Variants in MSI2 observed in about 807,000 individuals in gnomAD.
MSI2 encodes the protein RNA-binding protein Musashi homolog 2.
Under a neutral mutation model 45.6 loss-of-function variants are expected in MSI2, and 17 were observed. The observed-to-expected ratio is 0.37, with a 90% confidence interval of 0.26 to 0.56. MSI2 has a LOEUF of 0.56. Among genes scored for constraint, MSI2 ranks in the 20% least tolerant of loss-of-function variants. The pLI, the probability that MSI2 is intolerant of heterozygous loss-of-function variation, is 0.77. For missense variants in MSI2, 293 were observed against 444.2 expected (o/e 0.66, Z 3.06); for synonymous variants, 156 against 158.2 (o/e 0.99, Z 0.11).
At chr17:57,385,970 T>C (rs1012719280) in intron 5 of MSI2, among the ~76,000 whole-genome samples, 7 of 151,536 alleles carry the variant, frequency 4.6e-5, no homozygotes, top group African/African-American at 1.7e-4. Context: ...TGCTCATTAA[T>C]GGTTGATGTC....
At chr17:57,700,902 T>TAA in the MSI2 span, among the ~76,000 whole-genome samples, 6 of 145,782 alleles carry the variant, frequency 4.1e-5, no homozygotes, top group Middle Eastern at 7.0e-3. Context: ...AACTCTGTCT[T>TAA]AAAAAAAAAA....
At chr17:57,571,846 C>T (rs377537481) in intron 7 of MSI2, among the ~76,000 whole-genome samples, 26 of 152,272 alleles carry the variant, frequency 1.7e-4, no homozygotes, top group African/African-American at 5.5e-4. Context: ...TTTCTACAGC[C>T]GACTGCGTGC....
chr17:57,574,924 G>A (rs1399490743), intron 7 of MSI2, among the ~76,000 whole-genome samples: 6 of 147,406 alleles, frequency 4.1e-5, no homozygotes, highest in Middle Eastern at 3.6e-3. Context: ...TCCGCCTCCC[G>A]GGTTCACGCC....
chr17:57,506,500 T>G (rs2143906973), intron 6 of MSI2, among the ~76,000 whole-genome samples: 1 of 152,334 alleles, frequency 6.6e-6, no homozygotes, highest in East Asian at 1.9e-4. Context: ...GCTGTGGGTC[T>G]GCTCTTTCTG....
At chr17:57,259,637 A>T (rs1374012593) in intron 4 of MSI2, among the ~76,000 whole-genome samples, 4 of 152,352 alleles carry the variant, frequency 2.6e-5, no homozygotes, top group African/African-American at 7.2e-5. Flanking sequence ...CATGCAGCCC[A>T]GCCTTTTGTA....
chr17:57,317,966 T>C (rs577499137), intron 5 of MSI2, among the ~76,000 whole-genome samples: 1 of 152,124 alleles, frequency 6.6e-6, no homozygotes, highest in African/African-American at 2.4e-5. Context: ...CTGGCCAACA[T>C]GGTGAAACCC....
At chr17:57,413,441 GC>G (rs1461597341) in intron 6 of MSI2, among the ~76,000 whole-genome samples, 1 of 150,360 alleles carries the variant, frequency 6.7e-6, no homozygotes, top group Non-Finnish European at 1.5e-5. Flanking sequence ...ACCGATGTAG[GC>G]CCAAAGAGAG....
intron 5 of MSI2, among the ~76,000 whole-genome samples, chr17:57,392,953 A>G (rs1348557115): frequency 1.3e-5 from 2 of 152,160 alleles, no homozygotes; most frequent in East Asian, 1.9e-4. Flanking sequence ...GGATTTTAGT[A>G]TATTCACAGA....
chr17:57,513,076 C>T (rs1394906835), intron 6 of MSI2, among the ~76,000 whole-genome samples: 2 of 147,662 alleles, frequency 1.4e-5, no homozygotes, highest in Non-Finnish European at 3.0e-5. Context: ...CGGGTTCAAG[C>T]GATTCTCCTA....
At chr17:57,641,687 G>A (rs1005685513) in intron 10 of MSI2, among the ~76,000 whole-genome samples, 5 of 152,202 alleles carry the variant, frequency 3.3e-5, no homozygotes, top group Non-Finnish European at 7.3e-5. Context: ...TTAGGGAAGA[G>A]GAGGGTGTGA....
chr17:57,313,890 G>A (rs1337545602), intron 5 of MSI2, among the ~76,000 whole-genome samples: 1 of 152,208 alleles, frequency 6.6e-6, no homozygotes, highest in African/African-American at 2.4e-5. Context: ...TCCGGGCAGT[G>A]TCCCAGAGGA....
chr17:57,576,974 T>G (rs1348591226), intron 7 of MSI2, among the ~76,000 whole-genome samples: 10 of 152,118 alleles, frequency 6.6e-5, no homozygotes, highest in Non-Finnish European at 1.5e-4. Flanking sequence ...TCAGACCCCA[T>G]GTGGAATATT....
At chr17:57,514,817 C>G (rs985878166) in intron 6 of MSI2, among the ~76,000 whole-genome samples, 1 of 151,814 alleles carries the variant, frequency 6.6e-6, no homozygotes, top group African/African-American at 2.4e-5. Flanking sequence ...AGGAGTAGAC[C>G]AAAAATTTCC....
At chr17:57,429,026 A>C (rs1237797194) in intron 6 of MSI2, among the ~76,000 whole-genome samples, 2 of 152,172 alleles carry the variant, frequency 1.3e-5, no homozygotes, top group Non-Finnish European at 2.9e-5. Flanking sequence ...AATATAGTAC[A>C]TTTGACATAG....
Position 57,320,164 on chromosome 17 carries a change from A to G in MSI2, c.312+57972A>G, listed in dbSNP as rs757078825. Among the ~76,000 whole-genome samples, 8 of 152,156 alleles carry G rather than the reference A, an allele frequency of 5.3e-5. No individual in the cohort carries two copies. The East Asian group carries it at 1.3e-3, about 26-fold the overall frequency. On this transcript the variant is annotated intron_variant, in intron 5 of 13. Coordinates refer to ENST00000284073, the MANE Select transcript of MSI2 (RefSeq NM_138962.4). Reference sequence around the variant, plus strand: ...CTGTGTTCCGATCGAAAGAAATACAATTACTCTCTGAGATTTGAGGGGCGA... The same window carrying G: ...CTGTGTTCCGATCGAAAGAAATACAGTTACTCTCTGAGATTTGAGGGGCGA...
chr17:57,485,744 AT>A (rs1323251994), intron 6 of MSI2, among the ~76,000 whole-genome samples: 2 of 152,194 alleles, frequency 1.3e-5, no homozygotes, highest in Non-Finnish European at 2.9e-5. Context: ...ATTCCTTGGA[AT>A]GTGCTTTGAG....
At chr17:57,481,176 T>C (rs560801861) in intron 6 of MSI2, among the ~76,000 whole-genome samples, 1 of 152,358 alleles carries the variant, frequency 6.6e-6, no homozygotes, top group African/African-American at 2.4e-5. Context: ...AAAGCCTGCA[T>C]TTCCCTGTTG....
chr17:57,656,005 C>T (rs1911561708), intron 11 of MSI2, among the ~76,000 whole-genome samples: 1 of 152,166 alleles, frequency 6.6e-6, no homozygotes. Context: ...GAACTAAATG[C>T]ATGCACCGTA....
chr17:57,646,619 A>G (rs1910684927), intron 10 of MSI2, among the ~76,000 whole-genome samples: 1 of 152,220 alleles, frequency 6.6e-6, no homozygotes, highest in African/African-American at 2.4e-5. Flanking sequence ...ATTGCACAGC[A>G]AAGCAGGGAC....
Sources: gnomAD v4.1 joint callset for allele counts (sites outside exome capture counted in the v4.1 genomes callset) on GRCh38, gnomAD v4.1.1 for gene constraint, MANE v1.5 for transcripts, NCBI Gene and HGNC (gene_info 2026-07-23, HGNC 2026-07-21) for gene names.